The following MICU3 variants were observed in gnomAD, a reference collection of about 807,000 sequenced individuals.
MICU3 encodes mitochondrial calcium uptake 3.
A neutral mutation model predicts 66.5 loss-of-function variants in MICU3; 62 were observed. That is an observed-to-expected ratio of 0.93 (90% CI 0.76 to 1.15). The LOEUF (loss-of-function observed/expected upper bound fraction) is 1.15. Ranked by LOEUF, MICU3 falls within the 50% of genes most tolerant of loss-of-function variation. The pLI, the probability that MICU3 is intolerant of heterozygous loss-of-function variation, is 0.00. For synonymous variants in MICU3, 308 were observed against 240.7 expected, an observed-to-expected ratio of 1.28 and a Z score of -2.59; for missense variants, 779 against 664.4, an observed-to-expected ratio of 1.17 and a Z score of -1.90.
At chr8:17,125,919 A>G (rs1403344608), downstream of MICU3, among the ~76,000 whole-genome samples, 1 of 151,222 alleles carries the variant, frequency 6.6e-6, no homozygotes, top group African/African-American at 2.4e-5. Flanking sequence ...AGTCCCAGCT[A>G]CTCGGGAGGC....
intron 8 of MICU3, among the ~76,000 whole-genome samples, chr8:17,097,228 T>C (rs749335000): frequency 5.3e-5 from 8 of 151,822 alleles, no homozygotes; most frequent in Non-Finnish European, 8.8e-5. Context: ...CTAGTATTTA[T>C]TGAGGTTATT....
rs1041719209 is a variant in MICU3, at chr8:17,064,033, A to T, written c.382-51A>T. The T allele has an allele frequency of 5.7e-6, 8 of 1,403,418 alleles. No homozygotes were observed. In the African/African-American group the frequency reaches 1.1e-4, roughly 20 times the overall value. 86.9% of individuals were successfully genotyped at this position (1,403,418 alleles called of 1,614,324 possible). ...CAACATAATTAAAAGTATCTTCTAGAGGGAGGTATTACTTCACATCATCCA... is the reference window on the plus strand; with the variant it reads ...CAACATAATTAAAAGTATCTTCTAGTGGGAGGTATTACTTCACATCATCCA... On this transcript the variant is annotated intron_variant, in intron 1 of 14. Coordinates refer to ENST00000318063, the MANE Select transcript of MICU3 (RefSeq NM_181723.3).
chr8:17,126,477 A>C (rs912460582), downstream of MICU3, among the ~76,000 whole-genome samples: 4 of 152,138 alleles, frequency 2.6e-5, no homozygotes, highest in Admixed American at 1.3e-4. Flanking sequence ...AACATATTTA[A>C]CTCCATAGTT....
At position 17,122,642 on chromosome 8, in the gene MICU3, A is replaced by G. The variant is rs1413693930; in HGVS notation, c.*2355A>G. On this transcript the variant is annotated 3_prime_UTR_variant, in exon 15 of 15. Transcript: ENST00000318063. Reference sequence around the variant, plus strand: ...AATATTTCTGCCCTTGAATCAAGAAACATTGTACTTGGCTTTTATATGTAT... The same window carrying G: ...AATATTTCTGCCCTTGAATCAAGAAGCATTGTACTTGGCTTTTATATGTAT... 6.6e-6 allele frequency: 1 copy of G among 151,988 alleles called. No homozygotes were observed. Among genetic ancestry groups the G allele is most frequent in the Non-Finnish European group, 1.5e-5 (1 of 67,846 alleles). 9.4% of individuals were successfully genotyped at this position (151,988 alleles called of 1,614,324 possible).
chr8:17,124,098 G>C (rs1338341271), downstream of MICU3, among the ~76,000 whole-genome samples: 4 of 151,874 alleles, frequency 2.6e-5, no homozygotes, highest in Non-Finnish European at 5.9e-5. Flanking sequence ...TTTTTAGCTT[G>C]TTAAGTATTT....
the MICU3 span, among the ~76,000 whole-genome samples, chr8:17,137,583 T>G: frequency 6.6e-6 from 1 of 151,124 alleles, no homozygotes; most frequent in Non-Finnish European, 1.5e-5. Flanking sequence ...AAAAACTATG[T>G]AGCCCATCTT....
At chr8:17,065,613 C>T (rs552530655) in intron 2 of MICU3, among the ~76,000 whole-genome samples, 49 of 152,084 alleles carry the variant, frequency 3.2e-4, no homozygotes, top group African/African-American at 1.1e-3. Context: ...TCATGGAAGC[C>T]GAGTAAAATA....
chr8:17,054,604 T>C (rs1393676716), intron 1 of MICU3, among the ~76,000 whole-genome samples: 1 of 152,182 alleles, frequency 6.6e-6, no homozygotes, highest in Non-Finnish European at 1.5e-5. Context: ...TAATACTTAC[T>C]GTTCAGTCTC....
At chr8:17,096,899 C>T (rs1036542424) in intron 8 of MICU3, among the ~76,000 whole-genome samples, 2 of 151,040 alleles carry the variant, frequency 1.3e-5, no homozygotes, top group Non-Finnish European at 3.0e-5. Flanking sequence ...TTTTCTTGTC[C>T]ACAAAATACA....
At chr8:17,090,688 A>T (rs1799955658) in intron 8 of MICU3, 104 bp downstream of exon 8, 1 of 843,506 alleles carries the variant, frequency 1.2e-6, no homozygotes, top group South Asian at 2.5e-5. Context: ...TTACTAATAG[A>T]ATGTTTTGGA....
intron 11 of MICU3, among the ~76,000 whole-genome samples, chr8:17,107,698 C>T (rs1801857289): frequency 1.3e-5 from 2 of 152,094 alleles, no homozygotes; most frequent in Non-Finnish European, 2.9e-5. Context: ...CAACAGAGAC[C>T]ATGTAGCCAG....
chr8:17,075,026 A>G (rs1012253110), intron 3 of MICU3, among the ~76,000 whole-genome samples: 2 of 152,060 alleles, frequency 1.3e-5, no homozygotes, highest in Non-Finnish European at 2.9e-5. Flanking sequence ...CTCAGGTTTA[A>G]TGATTTGCTA....
chr8:17,113,916 G>A (rs750717692), intron 11 of MICU3, among the ~76,000 whole-genome samples, 177 bp from the exon 12 acceptor site: 1 of 152,038 alleles, frequency 6.6e-6, no homozygotes, highest in South Asian at 2.1e-4. Context: ...CCCAGTGAAA[G>A]TAAGTCTGAG....
At chr8:17,138,496 T>A in the MICU3 span, among the ~76,000 whole-genome samples, 2 of 152,034 alleles carry the variant, frequency 1.3e-5, no homozygotes, top group Admixed American at 6.6e-5. Context: ...AAGAAAAAAA[T>A]GCAAGAATTT....
intron 3 of MICU3, among the ~76,000 whole-genome samples, chr8:17,074,749 T>G (rs1427852405): frequency 1.3e-5 from 2 of 151,966 alleles, no homozygotes; most frequent in African/African-American, 4.8e-5. Flanking sequence ...AATATATATC[T>G]ATTAACTATA....
intron 3 of MICU3, among the ~76,000 whole-genome samples, chr8:17,070,010 C>A (rs922868466): frequency 1.3e-5 from 2 of 151,930 alleles, no homozygotes; most frequent in African/African-American, 4.8e-5. Flanking sequence ...GGCGATATGC[C>A]TACCCTATAC....
In MICU3 at chr8:17,027,498, CG is replaced by C; in HGVS notation, c.221del (p.Gly74AlafsTer65). The C allele has an allele frequency of 7.8e-7, 1 of 1,281,490 alleles. No homozygotes were observed. The highest frequency in any genetic ancestry group is 9.8e-7 in the Non-Finnish European group (1 of 1,018,790). 79.4% of individuals were successfully genotyped at this position (1,281,490 alleles called of 1,614,324 possible). ...GGGAGCTGAGCGTGGCGGCGGCGGC[CG>C]GCGGGGGGCTGGTCGGCCTGGTATG... ...WGELSVAAAA[G>X]GGLVGLVCYQ... On this transcript the variant is annotated frameshift_variant, in exon 1 of 15. Coordinates refer to ENST00000318063, the MANE Select transcript of MICU3 (RefSeq NM_181723.3). LOFTEE classifies it high-confidence loss of function.
intron 1 of MICU3, among the ~76,000 whole-genome samples, chr8:17,050,897 T>C (rs975750334): frequency 3.3e-5 from 5 of 152,140 alleles, no homozygotes; most frequent in Non-Finnish European, 7.4e-5. Context: ...ATTGAGAACA[T>C]GTTTGCATTT....
chr8:17,090,462 T>C (rs1799932004), intron 7 of MICU3, 84 bp from the exon 8 acceptor site: 2 of 1,153,380 alleles, frequency 1.7e-6, no homozygotes, highest in South Asian at 1.3e-5. Context: ...GATTATTTTG[T>C]CGTCTTTTTC....
Sources: gnomAD v4.1 joint callset for allele counts (sites outside exome capture counted in the v4.1 genomes callset) on GRCh38, gnomAD v4.1.1 for gene constraint, MANE v1.5 for transcripts, NCBI Gene and HGNC (gene_info 2026-07-23, HGNC 2026-07-21) for gene names.